NLGN1: variants seen among roughly 807,000 people sequenced by gnomAD.
The protein encoded by NLGN1 is neuroligin 1.
In NLGN1, 12 loss-of-function variants were observed where a neutral mutation model predicts 65.5. The observed-to-expected ratio is 0.18, with a 90% CI of 0.12 to 0.30. The LOEUF (loss-of-function observed/expected upper bound fraction) is 0.30. Among genes scored for constraint, NLGN1 ranks in the 10% least tolerant of loss-of-function variants. The pLI, the probability that NLGN1 is intolerant of heterozygous loss-of-function variation, is 1.00. For missense variants in NLGN1, 750 were observed against 1,007.1 expected, an observed-to-expected ratio of 0.74 and a Z score of 3.46; for synonymous variants, 350 against 359.5, an observed-to-expected ratio of 0.97 and a Z score of 0.30.
chr3:173,601,048 G>A (rs1321890476), intron 2 of NLGN1, among the ~76,000 whole-genome samples: 1 of 151,716 alleles, frequency 6.6e-6, no homozygotes, highest in Non-Finnish European at 1.5e-5. Context: ...TCTGTTAGTG[G>A]GACTATACAT....
Position 174,099,995 on chromosome 3 carries a change from A to T in NLGN1, c.647-175320A>T, listed in dbSNP as rs188902119. On this transcript the variant is annotated intron_variant, in intron 4 of 6. Coordinates refer to ENST00000457714, the Ensembl canonical transcript of NLGN1. ...AGACGTGCCTGAGAACTTTGCCATG[A>T]CCCTTGGCGGCTTGTTGATTTTTCT... Among the ~76,000 whole-genome samples the T allele has an allele frequency of 2.0e-5, 3 of 151,910 alleles. No individual in the cohort carries two copies. In the East Asian group the frequency reaches 5.8e-4, roughly 29 times the overall value.
chr3:174,193,964 T>G lies in NLGN1; in HGVS notation c.647-81351T>G, dbSNP rs116383518. ...AGTCACTGCAGAGCTTAGAATAAAT[T>G]TCATCATTTTTCTTTATCTACAATT... On this transcript the variant is annotated intron_variant, in intron 4 of 6. Transcript: ENST00000457714. Among the ~76,000 whole-genome samples the G allele has an allele frequency of 1.9e-3, 288 of 152,226 alleles. 1 individual carries two copies. The highest frequency in any genetic ancestry group is 6.8e-3 in the Middle Eastern group (2 of 292).
chr3:173,440,643 G>A (rs578043724), intron 2 of NLGN1, among the ~76,000 whole-genome samples: 2 of 152,182 alleles, frequency 1.3e-5, no homozygotes, highest in African/African-American at 4.8e-5. Context: ...TGAAAAGATA[G>A]GTCTGAACTG....
chr3:174,054,711 A>G (rs756897851), intron 4 of NLGN1, among the ~76,000 whole-genome samples: 3 of 152,056 alleles, frequency 2.0e-5, no homozygotes, highest in South Asian at 2.1e-4. Context: ...GGTCCAGACT[A>G]TATTCAAGGC....
At chr3:173,520,841 C>T (rs1255917601) in intron 2 of NLGN1, among the ~76,000 whole-genome samples, 3 of 152,138 alleles carry the variant, frequency 2.0e-5, no homozygotes, top group African/African-American at 7.2e-5. Flanking sequence ...ACTTTTATAA[C>T]TAGAATTATT....
chr3:173,420,821 A>G (rs920893630), intron 1 of NLGN1, among the ~76,000 whole-genome samples: 1 of 152,190 alleles, frequency 6.6e-6, no homozygotes, highest in Non-Finnish European at 1.5e-5. Context: ...TTCCACACTA[A>G]TTTGATATGT....
chr3:173,819,078 G>C (rs1019800302), intron 4 of NLGN1, among the ~76,000 whole-genome samples: 1 of 151,744 alleles, frequency 6.6e-6, no homozygotes, highest in Non-Finnish European at 1.5e-5. Context: ...GATTTCTAAA[G>C]TCTTTCCTTG....
intron 2 of NLGN1, among the ~76,000 whole-genome samples, chr3:173,439,102 A>G (rs938640808): frequency 7.9e-5 from 12 of 152,166 alleles, no homozygotes; most frequent in Admixed American, 4.6e-4. Context: ...AAATTTCTGG[A>G]AAGAAAAGAG....
chr3:173,736,528 A>G (rs1166768953), intron 3 of NLGN1, among the ~76,000 whole-genome samples: 1 of 152,084 alleles, frequency 6.6e-6, no homozygotes, highest in Non-Finnish European at 1.5e-5. Context: ...GATGAGATTC[A>G]GCCTTCTGAC....
intron 4 of NLGN1, among the ~76,000 whole-genome samples, chr3:174,108,638 G>A (rs1439889259): frequency 6.6e-6 from 1 of 152,078 alleles, no homozygotes; most frequent in African/African-American, 2.4e-5. Flanking sequence ...GAACAGGGTA[G>A]GGGTCAGTGC....
At chr3:174,129,616 A>G (rs1719747385) in intron 4 of NLGN1, among the ~76,000 whole-genome samples, 1 of 152,118 alleles carries the variant, frequency 6.6e-6, no homozygotes. Context: ...TACTGGTTAG[A>G]CTTTAGCTAT....
chr3:173,911,122 T>C (rs573530152), intron 4 of NLGN1, among the ~76,000 whole-genome samples: 6 of 152,318 alleles, frequency 3.9e-5, no homozygotes, highest in Non-Finnish European at 5.9e-5. Context: ...CAAACTGTTA[T>C]AATATCCAAA....
intron 3 of NLGN1, among the ~76,000 whole-genome samples, chr3:173,751,728 G>C (rs1578257497): frequency 6.6e-6 from 1 of 152,122 alleles, no homozygotes; most frequent in South Asian, 2.1e-4. Context: ...AGAATGTGAA[G>C]GTTTAAGGGG....
At chr3:173,708,644 TGG>T (rs1768434494) in intron 3 of NLGN1, among the ~76,000 whole-genome samples, 1 of 152,130 alleles carries the variant, frequency 6.6e-6, no homozygotes, top group South Asian at 2.1e-4. Context: ...ACACATCCAC[TGG>T]GCCCCCTAGA....
At chr3:174,293,482 C>T in the NLGN1 span, among the ~76,000 whole-genome samples, 1 of 151,514 alleles carries the variant, frequency 6.6e-6, no homozygotes, top group Non-Finnish European at 1.5e-5. Context: ...CCTGTGAAAG[C>T]ATACCATCAC....
At position 173,808,571 on chromosome 3, in the gene NLGN1, T is replaced by C. The variant is rs16830679; in HGVS notation, c.646+739T>C. Among the ~76,000 whole-genome samples the C allele has an allele frequency of 8.8e-3, 1,347 of 152,294 alleles. 5 individuals carry two copies. The highest frequency in any genetic ancestry group is 0.024 in the Middle Eastern group (7 of 292). Reference sequence around the variant, plus strand: ...CTTGCTATTCTAGCATATATTTGTTTGTTATAGTATTACCACAATTTGAGG... The same window carrying C: ...CTTGCTATTCTAGCATATATTTGTTCGTTATAGTATTACCACAATTTGAGG... On this transcript the variant is annotated intron_variant, in intron 4 of 6. Coordinates refer to ENST00000457714, the Ensembl canonical transcript of NLGN1.
intron 4 of NLGN1, among the ~76,000 whole-genome samples, chr3:174,141,670 G>A (rs1328246459): frequency 6.6e-6 from 1 of 152,174 alleles, no homozygotes; most frequent in Non-Finnish European, 1.5e-5. Context: ...TTGCTAGAGA[G>A]TCTCCTATCC....
intron 4 of NLGN1, among the ~76,000 whole-genome samples, chr3:174,065,200 A>T (rs569143086): frequency 9.4e-4 from 143 of 152,196 alleles, no homozygotes; most frequent in African/African-American, 3.2e-3. Context: ...ACAAATAATG[A>T]GAAAATAAAT....
chr3:174,152,505 G>A (rs1187137285), intron 4 of NLGN1, among the ~76,000 whole-genome samples: 1 of 152,066 alleles, frequency 6.6e-6, no homozygotes, highest in Non-Finnish European at 1.5e-5. Flanking sequence ...GTGGGGTCAG[G>A]GGAGCGGGGA....
Sources: allele counts gnomAD v4.1 joint callset (sites outside exome capture counted in the v4.1 genomes callset), GRCh38; gene constraint gnomAD v4.1.1; transcripts MANE v1.5; gene names NCBI Gene and HGNC (gene_info 2026-07-23, HGNC 2026-07-21).